Variants in PMP22 observed in about 807,000 individuals in gnomAD.
The protein encoded by PMP22 is Charcot-Marie-Tooth neuropathy 1A (greatly reduced nerve conduction velocity, hereditary motor sensory neuropathy Ia).
Under a neutral mutation model 18.9 loss-of-function variants are expected in PMP22, and 2 were observed. The observed-to-expected ratio is 0.11, with a 90% CI of 0.04 to 0.33. The LOEUF is 0.33. Among genes scored for constraint, PMP22 ranks in the 10% least tolerant of loss-of-function variants. The probability of loss-of-function intolerance (pLI) is 1.00; values close to 1 mark genes in which losing one functional copy is unlikely to be tolerated. For synonymous variants in PMP22, 95 were observed against 89.2 expected, an observed-to-expected ratio of 1.07 and a Z score of -0.37; for missense variants, 169 against 202.2, an observed-to-expected ratio of 0.84 and a Z score of 1.00.
In PMP22 at chr17:15,235,698, C is replaced by T. The variant is rs532509490; in HGVS notation, c.319+3773G>A. On this transcript the variant is annotated intron_variant, in intron 4 of 4. Transcript: ENST00000312280. ...TCACCTAGGCAGTGGATCCATCCCA[C>T]AACTATTAAATGAGAGTCTCCAGGG... Among the ~76,000 whole-genome samples the T allele has an allele frequency of 1.3e-4, 20 of 152,252 alleles. 1 individual carries two copies. The highest frequency in any genetic ancestry group is 3.9e-4 in the African/African-American group (16 of 41,558).
chr17:15,248,301 A>G (rs1360858585), intron 3 of PMP22, among the ~76,000 whole-genome samples: 1 of 151,960 alleles, frequency 6.6e-6, no homozygotes, highest in Admixed American at 6.5e-5. Context: ...TCAACAGGTA[A>G]TCCTGGGGGT....
intron 3 of PMP22, among the ~76,000 whole-genome samples, chr17:15,255,186 T>C (rs1015772132): frequency 6.6e-6 from 1 of 152,000 alleles, no homozygotes; most frequent in African/African-American, 2.4e-5. Flanking sequence ...TATGATTGGG[T>C]ATGGGAGGGG....
intron 1 of PMP22, among the ~76,000 whole-genome samples, chr17:15,263,033 C>T (rs952999698): frequency 1.8e-4 from 27 of 152,210 alleles, no homozygotes; most frequent in African/African-American, 6.3e-4. Context: ...CCTGGAGCCC[C>T]TGCCCTGTCC....
chr17:15,250,354 T>C (rs1908226694), intron 3 of PMP22, among the ~76,000 whole-genome samples: 1 of 152,062 alleles, frequency 6.6e-6, no homozygotes, highest in African/African-American at 2.4e-5. Context: ...CTGTTCCCCT[T>C]TTCTGCCTTC....
chr17:15,231,110 C>A, intron 4 of PMP22, 30 bp from the exon 5 acceptor site: 3 of 1,611,910 alleles, frequency 1.9e-6, no homozygotes, highest in Non-Finnish European at 2.5e-6. Context: ...AGCTGGGTGA[C>A]GGAGAGTCCA....
At chr17:15,250,484 C>T (rs1285003261) in intron 3 of PMP22, among the ~76,000 whole-genome samples, 1 of 152,176 alleles carries the variant, frequency 6.6e-6, no homozygotes, top group East Asian at 1.9e-4. Flanking sequence ...AAGCCAAAGA[C>T]TTCTAAATTG....
At chr17:15,244,943 G>A (rs953465437) in intron 3 of PMP22, among the ~76,000 whole-genome samples, 2 of 152,166 alleles carry the variant, frequency 1.3e-5, no homozygotes, top group Non-Finnish European at 2.9e-5. Context: ...AACAGATGCA[G>A]CACTCTATTG....
At chr17:15,240,560 C>T (rs1395154955) in intron 3 of PMP22, among the ~76,000 whole-genome samples, 1 of 152,046 alleles carries the variant, frequency 6.6e-6, no homozygotes, top group East Asian at 1.9e-4. Flanking sequence ...GAAATTCAGG[C>T]AAGAAGACAG....
At chr17:15,241,285 T>C (rs531145542) in intron 3 of PMP22, among the ~76,000 whole-genome samples, 164 of 152,348 alleles carry the variant, frequency 1.1e-3, no homozygotes, top group Non-Finnish European at 1.9e-3. Flanking sequence ...TTATCCAGCA[T>C]AGAGGTTCTT....
rs1305768107 is a variant in PMP22, at chr17:15,261,473, G to C, written c.-34-712C>G. The C allele has an allele frequency of 6.6e-6, 1 of 152,442 alleles. No homozygotes were observed. The highest frequency in any genetic ancestry group is 1.5e-5 in the Non-Finnish European group (1 of 68,274). 9.4% of individuals were successfully genotyped at this position (152,442 alleles called of 1,614,324 possible). ...GGCTCGAGAGGGTTGCCCGGACCCTGCGCTTCCCGTCCACCGCGCGCTTCC... is the reference window on the plus strand; with the variant it reads ...GGCTCGAGAGGGTTGCCCGGACCCTCCGCTTCCCGTCCACCGCGCGCTTCC... On this transcript the variant is annotated intron_variant, in intron 1 of 4. Coordinates refer to ENST00000312280, the MANE Select transcript of PMP22 (RefSeq NM_000304.4). This position sits in a 1 kb window ranked among gnomAD's most constrained non-coding sequence, Gnocchi z 5.2.
chr17:15,252,799 G>C (rs1036412159), intron 3 of PMP22, among the ~76,000 whole-genome samples: 7 of 152,228 alleles, frequency 4.6e-5, no homozygotes, highest in African/African-American at 1.7e-4. Context: ...TTTTACTGAA[G>C]ACAAACTGCC....
At chr17:15,245,979 C>G (rs1907772591) in intron 3 of PMP22, among the ~76,000 whole-genome samples, 2 of 151,132 alleles carry the variant, frequency 1.3e-5, no homozygotes, top group South Asian at 4.2e-4. Context: ...CGCCACTGCG[C>G]CACTGCACTC....
chr17:15,248,983 G>A (rs1399749365), intron 3 of PMP22, among the ~76,000 whole-genome samples: 1 of 152,194 alleles, frequency 6.6e-6, no homozygotes, highest in Non-Finnish European at 1.5e-5. Context: ...TTAGTTTTAA[G>A]ATCTTCAGGT....
chr17:15,249,225 G>A (rs1908112745), intron 3 of PMP22, among the ~76,000 whole-genome samples: 1 of 152,074 alleles, frequency 6.6e-6, no homozygotes, highest in South Asian at 2.1e-4. Context: ...CCTCCTTTTA[G>A]GATCCCTCGA....
intron 3 of PMP22, among the ~76,000 whole-genome samples, chr17:15,246,520 G>A (rs1257382391): frequency 6.6e-6 from 1 of 152,204 alleles, no homozygotes; most frequent in African/African-American, 2.4e-5. Context: ...GTTCTATTTA[G>A]ATCAAACCTA....
intron 3 of PMP22, among the ~76,000 whole-genome samples, chr17:15,248,121 G>A (rs142662374): frequency 1.1e-3 from 163 of 152,344 alleles, no homozygotes; most frequent in Non-Finnish European, 2.0e-3. Flanking sequence ...AAAGCCCAGC[G>A]TGGGTCTTGC....
At chr17:15,262,734 C>T (rs979868634) in intron 1 of PMP22, 1 of 152,360 alleles carries the variant, frequency 6.6e-6, no homozygotes, top group Non-Finnish European at 1.5e-5. Flanking sequence ...AAAAGTCGGT[C>T]CCTGCAAAAC....
chr17:15,250,484 C>G (rs1285003261), intron 3 of PMP22, among the ~76,000 whole-genome samples: 1 of 152,176 alleles, frequency 6.6e-6, no homozygotes, highest in Non-Finnish European at 1.5e-5. Context: ...AAGCCAAAGA[C>G]TTCTAAATTG....
chr17:15,257,777 A>G (rs1157402025), intron 3 of PMP22, among the ~76,000 whole-genome samples: 1 of 152,222 alleles, frequency 6.6e-6, no homozygotes, highest in Non-Finnish European at 1.5e-5. Context: ...TTCTCACTCC[A>G]ATAGGACTGG....
Sources: allele counts gnomAD v4.1 joint callset (sites outside exome capture counted in the v4.1 genomes callset), GRCh38; gene constraint gnomAD v4.1.1; non-coding constraint Gnocchi (gnomAD v3.1); transcripts MANE v1.5; gene names NCBI Gene and HGNC (gene_info 2026-07-23, HGNC 2026-07-21).